Variants in ATP6V1G3 observed in about 807,000 individuals in gnomAD.
ATP6V1G3 encodes the protein V-type proton ATPase subunit G 3.
A neutral mutation model predicts 9.3 loss-of-function variants in ATP6V1G3; 9 were observed. That is an observed-to-expected ratio of 0.97 (90% CI 0.59 to 1.69). ATP6V1G3 has a LOEUF of 1.69. Ranked by LOEUF, ATP6V1G3 falls within the 40% of genes most tolerant of loss-of-function variation. The pLI is 0.00. For missense variants in ATP6V1G3, 133 were observed against 139.0 expected (o/e 0.96, Z 0.22); for synonymous variants, 43 against 43.8 (o/e 0.98, Z 0.07).
chr1:198,533,319 T>A (rs1033116084), intron 1 of ATP6V1G3, among the ~76,000 whole-genome samples: 11 of 150,810 alleles, frequency 7.3e-5, no homozygotes, highest in Admixed American at 3.3e-4. Context: ...AAAAAAAAAA[T>A]TTCTTTGGCT....
chr1:198,531,162 A>G (rs1347525578), intron 1 of ATP6V1G3, among the ~76,000 whole-genome samples: 2 of 152,128 alleles, frequency 1.3e-5, no homozygotes, highest in Non-Finnish European at 2.9e-5. Context: ...TTCTCATTCA[A>G]TTAAATGGGA....
intron 1 of ATP6V1G3, among the ~76,000 whole-genome samples, chr1:198,538,073 G>A (rs1237079470): frequency 6.6e-6 from 1 of 152,302 alleles, no homozygotes; most frequent in Middle Eastern, 3.4e-3. Flanking sequence ...ACTGAGTGCA[G>A]AGGTTAGTTG....
intron 2 of ATP6V1G3, among the ~76,000 whole-genome samples, chr1:198,524,616 C>A (rs77398078): frequency 3.2e-3 from 490 of 152,208 alleles, no homozygotes; most frequent in African/African-American, 0.011. Context: ...CTCATAGCTT[C>A]TTTATCAAGG....
At chr1:198,528,001 G>A (rs1015734131) in intron 2 of ATP6V1G3, among the ~76,000 whole-genome samples, 1 of 152,048 alleles carries the variant, frequency 6.6e-6, no homozygotes, top group African/African-American at 2.4e-5. Flanking sequence ...CATGGTAGGG[G>A]CATGTTCTAG....
chr1:198,533,878 T>A (rs931264136), intron 1 of ATP6V1G3, among the ~76,000 whole-genome samples: 3 of 152,170 alleles, frequency 2.0e-5, no homozygotes, highest in Non-Finnish European at 4.4e-5. Flanking sequence ...GATCTAATTA[T>A]GAATGAGATA....
chr1:198,531,756 T>C (rs186872732), intron 1 of ATP6V1G3, among the ~76,000 whole-genome samples: 34 of 152,286 alleles, frequency 2.2e-4, no homozygotes, highest in African/African-American at 7.7e-4. Context: ...CTAGGCATCA[T>C]GGCAATAAAA....
intron 1 of ATP6V1G3, among the ~76,000 whole-genome samples, chr1:198,538,140 G>A (rs1342496863): frequency 6.6e-6 from 1 of 152,106 alleles, no homozygotes; most frequent in African/African-American, 2.4e-5. Context: ...TACTATTACT[G>A]GTTGAATATC....
At chr1:198,533,831 A>C (rs991370613) in intron 1 of ATP6V1G3, among the ~76,000 whole-genome samples, 8 of 152,208 alleles carry the variant, frequency 5.3e-5, no homozygotes, top group African/African-American at 1.9e-4. Context: ...TAGTGTTCCA[A>C]AGTCAAATGA....
intron 2 of ATP6V1G3, among the ~76,000 whole-genome samples, chr1:198,528,528 T>G (rs1326752762): frequency 6.6e-6 from 1 of 152,140 alleles, no homozygotes; most frequent in African/African-American, 2.4e-5. Flanking sequence ...TGCAGATATT[T>G]AAAAATGTGC....
chr1:198,536,636 C>T, intron 1 of ATP6V1G3: 1 of 1,491,604 alleles, frequency 6.7e-7, no homozygotes, highest in Non-Finnish European at 9.2e-7. Flanking sequence ...AACCTGTAAT[C>T]AGTGAATACA....
At chr1:198,534,424 G>A (rs1332328724) in intron 1 of ATP6V1G3, among the ~76,000 whole-genome samples, 1 of 152,064 alleles carries the variant, frequency 6.6e-6, no homozygotes, top group African/African-American at 2.4e-5. Context: ...TTCTCCCTCG[G>A]TGCTTCCAGA....
At chr1:198,538,438 G>A (rs908139307) in intron 1 of ATP6V1G3, among the ~76,000 whole-genome samples, 2 of 151,724 alleles carry the variant, frequency 1.3e-5, no homozygotes, top group Non-Finnish European at 2.9e-5. Flanking sequence ...TTAATGACTC[G>A]AAAAAAGGAG....
intron 1 of ATP6V1G3, among the ~76,000 whole-genome samples, chr1:198,530,125 C>CT: frequency 6.6e-6 from 1 of 152,190 alleles, no homozygotes; most frequent in East Asian, 1.9e-4. Flanking sequence ...CATTAAAATT[C>CT]TTTTTTTCTA....
In ATP6V1G3 at chr1:198,532,578, A is replaced by G. The variant is rs144889665; in HGVS notation, c.83-3397T>C. Among the ~76,000 whole-genome samples, 636 of 152,268 alleles carry G rather than the reference A, an allele frequency of 4.2e-3. 10 individuals are homozygous for G. Among genetic ancestry groups the G allele is most frequent in the African/African-American group, 0.015 (607 of 41,548 alleles). ...ACAATAAGTATATAATATGACAGGG[A>G]TGATGGTGAAGAAGAAAGGAGAATA... On this transcript the variant is annotated intron_variant, in intron 1 of 2. Transcript: ENST00000367382.
At chr1:198,526,150 C>T (rs559521718) in intron 2 of ATP6V1G3, among the ~76,000 whole-genome samples, 20 of 152,210 alleles carry the variant, frequency 1.3e-4, no homozygotes, top group African/African-American at 4.8e-4. Flanking sequence ...CTATGCAGTA[C>T]TATAACAATG....
chr1:198,525,116 G>A (rs1437173398), intron 2 of ATP6V1G3, among the ~76,000 whole-genome samples: 1 of 152,146 alleles, frequency 6.6e-6, no homozygotes, highest in Non-Finnish European at 1.5e-5. Flanking sequence ...TATACAAGAA[G>A]CAGAAACATA....
At chr1:198,528,099 A>G (rs1009313464) in intron 2 of ATP6V1G3, among the ~76,000 whole-genome samples, 1 of 152,154 alleles carries the variant, frequency 6.6e-6, no homozygotes, top group African/African-American at 2.4e-5. Flanking sequence ...AGAGATAGCC[A>G]AAGGCCAATC....
chr1:198,536,306 A>AT (rs879722278), intron 1 of ATP6V1G3, among the ~76,000 whole-genome samples: 23 of 152,200 alleles, frequency 1.5e-4, no homozygotes, highest in Admixed American at 5.9e-4. Flanking sequence ...AAAATGCAAC[A>AT]TATTTCAGAG....
At chr1:198,525,971 CTGAT>C (rs1051316903) in intron 2 of ATP6V1G3, among the ~76,000 whole-genome samples, 5 of 152,152 alleles carry the variant, frequency 3.3e-5, no homozygotes, top group Non-Finnish European at 7.4e-5. Context: ...ATAATTTTCA[CTGAT>C]TGTTTTACTT....
Sources: allele counts gnomAD v4.1 joint callset (sites outside exome capture counted in the v4.1 genomes callset), GRCh38; gene constraint gnomAD v4.1.1; transcripts MANE v1.5; gene names NCBI Gene and HGNC (gene_info 2026-07-23, HGNC 2026-07-21).